Variants in SLC13A3 observed in about 807,000 individuals in gnomAD.
The protein encoded by SLC13A3 is solute carrier family 13 member 3.
A neutral mutation model predicts 59.0 loss-of-function variants in SLC13A3; 40 were observed. That is an observed-to-expected ratio of 0.68 (90% CI 0.53 to 0.88). The LOEUF is 0.88. Ranked by LOEUF, SLC13A3 falls within the 40% of genes least tolerant of loss-of-function variation. The pLI, the probability that SLC13A3 is intolerant of heterozygous loss-of-function variation, is 0.00. For missense variants in SLC13A3, 699 were observed against 783.2 expected (o/e 0.89, Z 1.28); for synonymous variants, 317 against 330.3 (o/e 0.96, Z 0.44).
At chr20:46,561,323 G>A (rs115495650) in intron 12 of SLC13A3, among the ~76,000 whole-genome samples, 5 of 152,106 alleles carry the variant, frequency 3.3e-5, no homozygotes, top group African/African-American at 9.7e-5. Flanking sequence ...GGTGCATGTC[G>A]TCAGGACCTC....
intron 1 of SLC13A3, among the ~76,000 whole-genome samples, chr20:46,661,744 A>G (rs111474911): frequency 3.3e-5 from 5 of 152,222 alleles, no homozygotes; most frequent in African/African-American, 9.6e-5. Flanking sequence ...TCTTTTCACT[A>G]TAAGCTTCTG....
intron 1 of SLC13A3, among the ~76,000 whole-genome samples, chr20:46,656,839 G>A (rs2062997484): frequency 6.6e-6 from 1 of 151,904 alleles, no homozygotes; most frequent in Admixed American, 6.6e-5. Context: ...TTCACAGTGG[G>A]TAATTTCCAT....
At chr20:46,616,420 T>C (rs1354846582) in intron 1 of SLC13A3, among the ~76,000 whole-genome samples, 1 of 152,198 alleles carries the variant, frequency 6.6e-6, no homozygotes. Context: ...GGGGATTCAA[T>C]GGCAGATCAT....
chr20:46,651,237 C>G, intron 1 of SLC13A3, 74 bp downstream of exon 1: 1 of 1,405,328 alleles, frequency 7.1e-7, no homozygotes, highest in Non-Finnish European at 9.3e-7. Flanking sequence ...TCAGCGGTCT[C>G]CCAACTTGGA....
intron 1 of SLC13A3, among the ~76,000 whole-genome samples, chr20:46,642,645 C>A (rs937729929): frequency 6.6e-6 from 1 of 152,198 alleles, no homozygotes; most frequent in Non-Finnish European, 1.5e-5. Flanking sequence ...TTCCTCTCTT[C>A]ATCTTACCAC....
chr20:46,668,610 A>G (rs1005137666), intron 1 of SLC13A3, among the ~76,000 whole-genome samples: 1 of 152,262 alleles, frequency 6.6e-6, no homozygotes, highest in Non-Finnish European at 1.5e-5. Flanking sequence ...AGCTACACCA[A>G]GTTAACCAGA....
chr20:46,639,437 C>A (rs530447568), intron 1 of SLC13A3, among the ~76,000 whole-genome samples: 35 of 152,102 alleles, frequency 2.3e-4, no homozygotes, highest in African/African-American at 8.0e-4. Context: ...CCAGCCTGGG[C>A]AACAGAGTGA....
intron 1 of SLC13A3, among the ~76,000 whole-genome samples, chr20:46,668,514 T>G (rs1310563070): frequency 6.6e-6 from 1 of 152,176 alleles, no homozygotes; most frequent in Non-Finnish European, 1.5e-5. Flanking sequence ...AAGAAAAGTT[T>G]GAAGTTAGCT....
At chr20:46,567,152 A>G (rs1184864037) in intron 10 of SLC13A3, among the ~76,000 whole-genome samples, 1 of 152,154 alleles carries the variant, frequency 6.6e-6, no homozygotes, top group African/African-American at 2.4e-5. Flanking sequence ...ACCTCACGCC[A>G]CTGCACTCCA....
At chr20:46,598,374 T>A (rs1347930070) in intron 4 of SLC13A3, among the ~76,000 whole-genome samples, 2 of 152,024 alleles carry the variant, frequency 1.3e-5, no homozygotes, top group Non-Finnish European at 2.9e-5. Flanking sequence ...ATCCTGAGTA[T>A]CGAAAAGAGA....
At chr20:46,585,502 T>A (rs1042645937) in intron 8 of SLC13A3, 6 of 1,006,666 alleles carry the variant, frequency 6.0e-6, no homozygotes, top group Non-Finnish European at 7.1e-6. Flanking sequence ...TAAAAGCCAA[T>A]TGGCATATGT....
chr20:46,624,784 T>C (rs1190967841), intron 1 of SLC13A3, among the ~76,000 whole-genome samples: 3 of 152,202 alleles, frequency 2.0e-5, no homozygotes, highest in Non-Finnish European at 4.4e-5. Flanking sequence ...AGCCCAAGTA[T>C]TTCTAAAGAC....
intron 8 of SLC13A3, chr20:46,585,712 T>C (rs1184556254): frequency 1.4e-5 from 18 of 1,299,322 alleles, no homozygotes; most frequent in Non-Finnish European, 1.8e-5. Context: ...ATTTTCTGTA[T>C]TGTTGAAATG....
At chr20:46,634,387 G>A (rs994512967) in intron 1 of SLC13A3, among the ~76,000 whole-genome samples, 23 of 152,124 alleles carry the variant, frequency 1.5e-4, no homozygotes, top group Admixed American at 3.9e-4. Flanking sequence ...GTTGCCAACC[G>A]AGGCTCCCTC....
At chr20:46,656,885 C>T (rs1348783141) in intron 1 of SLC13A3, among the ~76,000 whole-genome samples, 1 of 152,084 alleles carries the variant, frequency 6.6e-6, no homozygotes, top group Non-Finnish European at 1.5e-5. Context: ...CTTCTGCCTT[C>T]TCCATTTGCT....
upstream of SLC13A3, among the ~76,000 whole-genome samples, chr20:46,673,093 C>A (rs961753594): frequency 1.2e-4 from 19 of 152,146 alleles, no homozygotes; most frequent in African/African-American, 4.3e-4. Flanking sequence ...CCCCTCTGAG[C>A]CTCCATGGCC....
intron 1 of SLC13A3, among the ~76,000 whole-genome samples, chr20:46,625,293 C>G (rs926036855): frequency 3.3e-5 from 5 of 152,192 alleles, no homozygotes; most frequent in Non-Finnish European, 5.9e-5. Flanking sequence ...TCACCTGGAA[C>G]TGACCATTCT....
chr20:46,674,637 T>TGTG (rs1164243949), upstream of SLC13A3, among the ~76,000 whole-genome samples: 53 of 63,828 alleles, frequency 8.3e-4, no homozygotes, highest in Non-Finnish European at 4.4e-4. Flanking sequence ...GTGTGTGTGT[T>TGTG]TGTTTGGAGG....
chr20:46,655,958 CATATATGTATATATGTATGT>C (rs966635193), upstream of SLC13A3, among the ~76,000 whole-genome samples: 3 of 139,104 alleles, frequency 2.2e-5, no homozygotes, highest in Non-Finnish European at 4.6e-5. Flanking sequence ...ATACAGTATA[CATATATGTATATATGTATGT>C]ATATATGTAT....
Sources: gnomAD v4.1 joint callset for allele counts (sites outside exome capture counted in the v4.1 genomes callset) on GRCh38, gnomAD v4.1.1 for gene constraint, MANE v1.5 for transcripts, NCBI Gene and HGNC (gene_info 2026-07-23, HGNC 2026-07-21) for gene names.